TENT4B: variants seen among roughly 807,000 people sequenced by gnomAD.
TENT4B encodes terminal nucleotidyltransferase 4B.
A neutral mutation model predicts 75.0 loss-of-function variants in TENT4B; 10 were observed. The ratio of observed to expected loss-of-function variants is 0.13; its 90% CI spans 0.08 to 0.23. The LOEUF (loss-of-function observed/expected upper bound fraction) is 0.23, where lower values mean the gene tolerates loss of function less well. Ranked by LOEUF, TENT4B falls within the 10% of genes least tolerant of loss-of-function variation. The pLI, the probability that TENT4B is intolerant of heterozygous loss-of-function variation, is 1.00. For synonymous variants in TENT4B, 350 were observed against 357.7 expected (o/e 0.98, Z 0.24); for missense variants, 579 against 893.8 (o/e 0.65, Z 4.49).
Position 50,234,184 on chromosome 16 carries a change from T to A in TENT4B, c.*4856T>A. ...AACAAGTTGCTCAGGCCGGGCATGGTGGCTCACGCCTGTAATCCCAGCACT... is the reference window on the plus strand; with the variant it reads ...AACAAGTTGCTCAGGCCGGGCATGGAGGCTCACGCCTGTAATCCCAGCACT... On this transcript the variant is annotated 3_prime_UTR_variant, in exon 12 of 12. Transcript: ENST00000561678. The A allele has an allele frequency of 1.0e-6, 1 of 985,536 alleles. No individual in the cohort carries two copies. Among genetic ancestry groups the A allele is most frequent in the Non-Finnish European group, 1.2e-6 (1 of 830,004 alleles). The allele number at this position is 985,536 out of a possible 1,614,324, so 61.0% of individuals were successfully genotyped here. A position where few individuals can be genotyped will look rare whatever the true frequency, so the allele number is the denominator to read the frequency against.
chr16:50,231,223 T>C lies in TENT4B; in HGVS notation c.*1895T>C, dbSNP rs2032283817. 1 of 985,242 alleles carries C rather than the reference T, an allele frequency of 1.0e-6. No individual in the cohort carries two copies. The highest frequency in any genetic ancestry group is 1.2e-6 in the Non-Finnish European group (1 of 829,454). 61.0% of individuals were successfully genotyped at this position (985,242 alleles called of 1,614,324 possible). On this transcript the variant is annotated 3_prime_UTR_variant, in exon 12 of 12. Transcript: ENST00000561678. ...TTTTAAATTTTAGAGTCACATTTTA[T>C]TCTGATCAGAATTTTTATTGAGATG...
chr16:50,196,076 C>T (rs1373371875), intron 1 of TENT4B, among the ~76,000 whole-genome samples: 2 of 152,034 alleles, frequency 1.3e-5, no homozygotes, highest in African/African-American at 2.4e-5. Context: ...CTGTAGACAG[C>T]AAAGTTTAAG....
At chr16:50,154,413 C>T (rs1006108021) in intron 1 of TENT4B, among the ~76,000 whole-genome samples, 154 bp downstream of exon 1, 26 of 152,068 alleles carry the variant, frequency 1.7e-4, no homozygotes, top group African/African-American at 4.3e-4. Flanking sequence ...CATCCCCAAC[C>T]CCCCAGTCGT....
intron 5 of TENT4B, among the ~76,000 whole-genome samples, chr16:50,218,383 C>T (rs1290004825): frequency 6.6e-6 from 1 of 151,896 alleles, no homozygotes; most frequent in Non-Finnish European, 1.5e-5. Flanking sequence ...GTCACCCGGG[C>T]TGGAGTGCAG....
intron 1 of TENT4B, among the ~76,000 whole-genome samples, chr16:50,165,078 A>C (rs554056111): frequency 2.8e-4 from 43 of 151,466 alleles, no homozygotes; most frequent in Non-Finnish European, 5.9e-4. Context: ...TTTTTTACTA[A>C]TATGACAAAC....
Position 50,223,236 on chromosome 16 carries a change from T to C in TENT4B, c.1230T>C (p.Phe410=). ...ACTATGGTGTTCTCTTAATAGAATT[T>C]TTTGAATTATATGGACGACACTTCA... The part of the protein sequence containing the change: ...NTNYGVLLIE[F]FELYGRHFNY... Residue 410 remains phenylalanine, a synonymous_variant, in exon 7 of 12, where the codon TTT becomes TTC. Coordinates refer to ENST00000561678, the MANE Select transcript of TENT4B (RefSeq NM_001365324.3). 6.2e-7 allele frequency: 1 copy of C among 1,613,834 alleles called. No individual in the cohort carries two copies. Among genetic ancestry groups the C allele is most frequent in the Non-Finnish European group, 8.5e-7 (1 of 1,179,766 alleles).
chr16:50,213,158 C>A (rs1423013808), intron 2 of TENT4B, among the ~76,000 whole-genome samples: 4 of 152,048 alleles, frequency 2.6e-5, no homozygotes, highest in Admixed American at 1.3e-4. Context: ...CTCCCAGGTT[C>A]AAGAAATTTT....
At chr16:50,221,224 C>T (rs1057503080) in intron 5 of TENT4B, among the ~76,000 whole-genome samples, 3 of 152,136 alleles carry the variant, frequency 2.0e-5, no homozygotes, top group African/African-American at 7.2e-5. Context: ...CTACTGTACT[C>T]CAGCCTGGGT....
chr16:50,153,083 T>G, upstream of TENT4B: 1 of 1,359,808 alleles, frequency 7.4e-7, no homozygotes, highest in East Asian at 3.2e-5. Context: ...GCCAGGCGGT[T>G]GCGGCCCCGT....
At chr16:50,213,689 A>G (rs533176587) in intron 2 of TENT4B, among the ~76,000 whole-genome samples, 2 of 152,356 alleles carry the variant, frequency 1.3e-5, no homozygotes, top group African/African-American at 2.4e-5. Context: ...ACACCTCCAT[A>G]TTAAACCAAC....
intron 1 of TENT4B, among the ~76,000 whole-genome samples, chr16:50,175,716 C>T (rs1323197216): frequency 6.6e-6 from 1 of 152,042 alleles, no homozygotes; most frequent in Non-Finnish European, 1.5e-5. Context: ...GTGATCCGCC[C>T]GCCTCAGCCT....
At chr16:50,165,602 C>A (rs554284204) in intron 1 of TENT4B, among the ~76,000 whole-genome samples, 2 of 152,290 alleles carry the variant, frequency 1.3e-5, no homozygotes, top group East Asian at 3.9e-4. Context: ...ACACCCTAAC[C>A]CTGGCAGTCA....
chr16:50,225,288 A>G lies in TENT4B; in HGVS notation c.1800+3A>G, dbSNP rs1398668727. Reference sequence around the variant, plus strand: ...CACAGTCCAGCTCTAGTGATGTAGTAAGTATGAAAGCCTCGGCTCTTCTGA... The same window carrying G: ...CACAGTCCAGCTCTAGTGATGTAGTGAGTATGAAAGCCTCGGCTCTTCTGA... On this transcript the variant is annotated splice_donor_region_variant and intron_variant, in intron 10 of 11. Transcript: ENST00000561678. 2 of 1,604,248 alleles carry G rather than the reference A, an allele frequency of 1.2e-6. No homozygotes were observed. Among genetic ancestry groups the G allele is most frequent in the South Asian group, 2.2e-5 (2 of 90,268 alleles).
chr16:50,163,880 G>A (rs1342500878), intron 1 of TENT4B, among the ~76,000 whole-genome samples: 2 of 151,652 alleles, frequency 1.3e-5, no homozygotes, highest in African/African-American at 2.4e-5. Context: ...GGGTCTCGCC[G>A]GGTGCGATGG....
At chr16:50,181,256 A>ATGTGGAGACAGTG (rs2038409641) in intron 1 of TENT4B, among the ~76,000 whole-genome samples, 1 of 152,110 alleles carries the variant, frequency 6.6e-6, no homozygotes, top group African/African-American at 2.4e-5. Flanking sequence ...GTGGATTTAA[A>ATGTGGAGACAGTG]TGTGGAGACA....
rs949563373 is a variant in TENT4B, at chr16:50,167,980, A to G, written c.638+13721A>G. Among the ~76,000 whole-genome samples, 6 of 152,082 alleles carry G rather than the reference A, an allele frequency of 3.9e-5. No individual in the cohort carries two copies. The South Asian group carries it at 1.0e-3, about 26-fold the overall frequency. ...CCTGTTTTGAGTTCATTTTTAAAAT[A>G]TGGTGTGAGGTAGAGGTCCCATTTC... On this transcript the variant is annotated intron_variant, in intron 1 of 11. Coordinates refer to ENST00000561678, the MANE Select transcript of TENT4B (RefSeq NM_001365324.3).
rs138462838 is a variant in TENT4B at position 50,229,928 on chromosome 16, T to TC, written c.*601dup. ...CTGTTTAAATTGTAAACAGATTTTT[T>TC]CTCAGGATTAGTTTGAAAAATAATC... is the stretch of plus-strand genomic sequence containing the variant. On this transcript the variant is annotated 3_prime_UTR_variant, in exon 12 of 12. Coordinates refer to ENST00000561678, the MANE Select transcript of TENT4B (RefSeq NM_001365324.3). 3.8e-3 allele frequency: 3,582 copies of TC among 932,756 alleles called. 102 individuals carry two copies. The African/African-American group carries it at 0.056, about 15-fold the overall frequency. 57.8% of individuals were successfully genotyped at this position (932,756 alleles called of 1,614,324 possible).
In TENT4B at chr16:50,219,712, C is replaced by T. The variant is rs1721920167; in HGVS notation, c.1038+2049C>T. Among the ~76,000 whole-genome samples the T allele has an allele frequency of 2.1e-5, 3 of 142,412 alleles. No homozygotes were observed. The South Asian group carries it at 7.6e-4, about 36-fold the overall frequency. 93.4% of individuals were successfully genotyped at this position (142,412 alleles called of 152,430 possible). ...CTTCTCCCTCCCCCTCTTCCTCTATCCCTCCCTTTCCCTTTTCTCTCTTTT... is the reference window on the plus strand; with the variant it reads ...CTTCTCCCTCCCCCTCTTCCTCTATTCCTCCCTTTCCCTTTTCTCTCTTTT... On this transcript the variant is annotated intron_variant, in intron 5 of 11. Coordinates refer to ENST00000561678, the MANE Select transcript of TENT4B (RefSeq NM_001365324.3).
intron 2 of TENT4B, among the ~76,000 whole-genome samples, chr16:50,212,089 C>G (rs962336340): frequency 2.0e-5 from 3 of 152,018 alleles, no homozygotes; most frequent in Admixed American, 1.3e-4. Flanking sequence ...GAGATGGGGT[C>G]TCACTCTGTT....
Sources: allele counts gnomAD v4.1 joint callset (sites outside exome capture counted in the v4.1 genomes callset), GRCh38; gene constraint gnomAD v4.1.1; transcripts MANE v1.5; gene names NCBI Gene and HGNC (gene_info 2026-07-23, HGNC 2026-07-21).